Variants in OSBPL10 observed in about 807,000 individuals in gnomAD.
OSBPL10 encodes the protein oxysterol-binding protein-related protein 10.
OSBPL10 carries 49 observed loss-of-function variants against 81.7 expected under a neutral mutation model. The ratio of observed to expected loss-of-function variants is 0.60; its 90% CI spans 0.48 to 0.76. The LOEUF (loss-of-function observed/expected upper bound fraction) is 0.76. Ranked by LOEUF, OSBPL10 falls within the 30% of genes least tolerant of loss-of-function variation. OSBPL10 has a pLI of 0.00. For synonymous variants in OSBPL10, 419 were observed against 383.6 expected, an observed-to-expected ratio of 1.09 and a Z score of -1.08; for missense variants, 923 against 987.8, an observed-to-expected ratio of 0.93 and a Z score of 0.88.
chr3:31,775,649 C>T (rs1698528946), intron 4 of OSBPL10, among the ~76,000 whole-genome samples: 2 of 152,004 alleles, frequency 1.3e-5, no homozygotes, highest in South Asian at 4.2e-4. Flanking sequence ...TGGTGACTCA[C>T]AAACTCAAAC....
chr3:31,675,397 G>T (rs1277469131), intron 8 of OSBPL10, among the ~76,000 whole-genome samples: 1 of 152,144 alleles, frequency 6.6e-6, no homozygotes, highest in Non-Finnish European at 1.5e-5. Flanking sequence ...AATCTTAGAG[G>T]ATCATTCCAA....
intron 1 of OSBPL10, among the ~76,000 whole-genome samples, chr3:31,908,428 T>C (rs1483404829): frequency 6.6e-6 from 1 of 152,116 alleles, no homozygotes; most frequent in Non-Finnish European, 1.5e-5. Context: ...ATGGAAAAGT[T>C]TACCTTTTAA....
At chr3:31,668,449 C>G (rs144365466) in intron 10 of OSBPL10, among the ~76,000 whole-genome samples, 193 bp downstream of exon 10, 1 of 152,136 alleles carries the variant, frequency 6.6e-6, no homozygotes, top group East Asian at 1.9e-4. Flanking sequence ...TACAGAATGA[C>G]GTAACTGAAA....
chr3:31,738,503 G>C (rs1286497317), intron 5 of OSBPL10, among the ~76,000 whole-genome samples: 1 of 152,180 alleles, frequency 6.6e-6, no homozygotes, highest in Non-Finnish European at 1.5e-5. Context: ...TTGGGGAGCT[G>C]AGGGAAAACA....
chr3:31,785,735 G>A (rs1698846382), intron 4 of OSBPL10, among the ~76,000 whole-genome samples: 1 of 152,032 alleles, frequency 6.6e-6, no homozygotes, highest in African/African-American at 2.4e-5. Flanking sequence ...ATTCTTGTAA[G>A]GCTTATCCTC....
At chr3:31,720,145 G>A (rs998296436) in intron 6 of OSBPL10, among the ~76,000 whole-genome samples, 1 of 151,532 alleles carries the variant, frequency 6.6e-6, no homozygotes, top group African/African-American at 2.4e-5. Flanking sequence ...CTAAGGAGGT[G>A]GCATCAAAAG....
In OSBPL10 at chr3:31,895,596, T is replaced by C. The variant is rs565224306; in HGVS notation, c.282-15766A>G. ...ATCTGTGATGGACTCCAACTTTATG[T>C]AACTCCATTACTCACAGCTGAACAC... is the stretch of plus-strand genomic sequence containing the variant. On this transcript the variant is annotated intron_variant, in intron 1 of 11. Coordinates refer to ENST00000396556, the MANE Select transcript of OSBPL10 (RefSeq NM_017784.5). Among the ~76,000 whole-genome samples the C allele has an allele frequency of 1.1e-4, 16 of 152,310 alleles. No individual in the cohort carries two copies. In the South Asian group the frequency reaches 3.3e-3, roughly 32 times the overall value.
intron 4 of OSBPL10, among the ~76,000 whole-genome samples, chr3:31,775,930 G>C (rs912656207): frequency 6.6e-6 from 1 of 152,076 alleles, no homozygotes. Flanking sequence ...GGATTATATC[G>C]CTGATGCAAT....
intron 2 of OSBPL10, chr3:32,030,821 G>A (rs1301946732): frequency 1.8e-6 from 1 of 543,120 alleles, no homozygotes; most frequent in Non-Finnish European, 3.2e-6. Context: ...TATCTCAAGG[G>A]AATGATAAGA....
intron 2 of OSBPL10, among the ~76,000 whole-genome samples, chr3:32,010,516 A>G (rs57908045): frequency 0.053 from 8,140 of 152,228 alleles, 572 homozygotes; most frequent in African/African-American, 0.16. Context: ...CAGCATGAGC[A>G]ATGCAGAATA....
chr3:31,976,599 T>TA, intron 1 of OSBPL10, among the ~76,000 whole-genome samples: 1 of 152,282 alleles, frequency 6.6e-6, no homozygotes, highest in South Asian at 2.1e-4. Context: ...ACTACAGGCC[T>TA]AAGCCACCAC....
At chr3:31,818,927 G>A (rs1466636950) in intron 4 of OSBPL10, among the ~76,000 whole-genome samples, 2 of 152,346 alleles carry the variant, frequency 1.3e-5, no homozygotes, top group African/African-American at 2.4e-5. Flanking sequence ...CTAGTGAGTA[G>A]GGTAGGAGGT....
chr3:31,764,277 A>C (rs1167495763), intron 4 of OSBPL10, among the ~76,000 whole-genome samples: 2 of 152,244 alleles, frequency 1.3e-5, no homozygotes, highest in East Asian at 1.9e-4. Context: ...TTCCACATAT[A>C]TCTCTCTCCA....
intron 1 of OSBPL10, among the ~76,000 whole-genome samples, chr3:31,980,049 G>A (rs942693011): frequency 1.6e-4 from 24 of 150,180 alleles, no homozygotes; most frequent in African/African-American, 5.2e-4. Context: ...CTGTCGCCCC[G>A]GCTAGATTGC....
chr3:31,877,455 A>G (rs1438088926), intron 2 of OSBPL10, among the ~76,000 whole-genome samples: 1 of 152,192 alleles, frequency 6.6e-6, no homozygotes, highest in Non-Finnish European at 1.5e-5. Context: ...CAAATAATAT[A>G]TATGAAGTTA....
At chr3:31,980,836 C>A (rs560530148) in intron 1 of OSBPL10, 63 bp downstream of exon 1, 2 of 1,422,198 alleles carry the variant, frequency 1.4e-6, no homozygotes, top group Non-Finnish European at 1.8e-6. Context: ...CATACACACA[C>A]GCACGCACAC....
intron 4 of OSBPL10, among the ~76,000 whole-genome samples, chr3:31,814,533 G>A (rs1013039126): frequency 6.6e-6 from 1 of 152,120 alleles, no homozygotes; most frequent in Admixed American, 6.5e-5. Context: ...CAGGGAGAAC[G>A]CCACAGGACA....
intron 2 of OSBPL10, among the ~76,000 whole-genome samples, chr3:32,042,141 C>T (rs973717292): frequency 3.3e-5 from 5 of 152,300 alleles, no homozygotes; most frequent in African/African-American, 1.2e-4. Flanking sequence ...ACTAAGGCCT[C>T]ATACAATAAT....
intron 4 of OSBPL10, among the ~76,000 whole-genome samples, chr3:31,777,070 T>C (rs1195509701): frequency 1.3e-5 from 2 of 152,236 alleles, no homozygotes; most frequent in East Asian, 1.9e-4. Flanking sequence ...TTGTTTACTA[T>C]AAAAGTCATG....
Sources: allele counts gnomAD v4.1 joint callset (sites outside exome capture counted in the v4.1 genomes callset), GRCh38; gene constraint gnomAD v4.1.1; transcripts MANE v1.5; gene names NCBI Gene and HGNC (gene_info 2026-07-23, HGNC 2026-07-21).